Variants in DYNC1I1 observed in about 807,000 individuals in gnomAD.
DYNC1I1 encodes dynein cytoplasmic 1 intermediate chain 1.
A neutral mutation model predicts 86.6 loss-of-function variants in DYNC1I1; 43 were observed. That is an observed-to-expected ratio of 0.50 (90% CI 0.39 to 0.64). DYNC1I1 has a LOEUF of 0.64. Among genes scored for constraint, DYNC1I1 ranks in the 30% least tolerant of loss-of-function variants. The pLI is 0.00. For missense variants in DYNC1I1, 604 were observed against 788.8 expected, an observed-to-expected ratio of 0.77 and a Z score of 2.81; for synonymous variants, 262 against 283.7, an observed-to-expected ratio of 0.92 and a Z score of 0.77.
At chr7:96,060,809 T>C (rs1006239944) in intron 14 of DYNC1I1, among the ~76,000 whole-genome samples, 4 of 142,760 alleles carry the variant, frequency 2.8e-5, no homozygotes. Flanking sequence ...AAATAAAGTC[T>C]AAAAAAAAAA....
At chr7:95,998,802 TGGATCAGAGAAGCA>T (rs1227868845) in intron 10 of DYNC1I1, among the ~76,000 whole-genome samples, 61 of 152,284 alleles carry the variant, frequency 4.0e-4, no homozygotes, top group African/African-American at 1.2e-3. Flanking sequence ...ACAAAACCAA[TGGATCAGAGAAGCA>T]TTGTGTCAGT....
intron 1 of DYNC1I1, among the ~76,000 whole-genome samples, chr7:95,777,114 G>C (rs1490310222): frequency 6.6e-6 from 1 of 152,116 alleles, no homozygotes; most frequent in African/African-American, 2.4e-5. Flanking sequence ...ATTGTGGCAG[G>C]ACTAAGAGTC....
At chr7:96,062,327 C>T (rs978726335) in intron 14 of DYNC1I1, among the ~76,000 whole-genome samples, 2 of 152,150 alleles carry the variant, frequency 1.3e-5, no homozygotes, top group African/African-American at 4.8e-5. Context: ...CGGAGACAGA[C>T]ATGTTTTGGT....
intron 14 of DYNC1I1, among the ~76,000 whole-genome samples, chr7:96,046,668 G>A (rs527876368): frequency 6.6e-6 from 1 of 152,318 alleles, no homozygotes; most frequent in South Asian, 2.1e-4. Flanking sequence ...CCAGGTGAGA[G>A]CCAGAATTTA....
intron 14 of DYNC1I1, among the ~76,000 whole-genome samples, chr7:96,068,417 A>G (rs371532566): frequency 6.6e-6 from 1 of 152,212 alleles, no homozygotes; most frequent in African/African-American, 2.4e-5. Context: ...ACATTTAACA[A>G]TGGGAGATGT....
chr7:95,822,799 CGGGGAA>C, intron 4 of DYNC1I1, among the ~76,000 whole-genome samples: 2 of 152,242 alleles, frequency 1.3e-5, no homozygotes, highest in East Asian at 3.9e-4. Context: ...GGTTCCCCAG[CGGGGAA>C]TACTGACGGA....
intron 10 of DYNC1I1, 117 bp from the exon 11 acceptor site, chr7:96,028,058 A>AT (rs1219273019): frequency 7.2e-6 from 10 of 1,389,754 alleles, no homozygotes; most frequent in East Asian, 7.0e-5. Flanking sequence ...GCTTTAAATT[A>AT]TTTTTTTGTT....
At chr7:96,082,273 G>T (rs1790544348) in intron 16 of DYNC1I1, among the ~76,000 whole-genome samples, 1 of 134,156 alleles carries the variant, frequency 7.5e-6, no homozygotes, top group South Asian at 2.7e-4. Context: ...AAGAGCAAAG[G>T]AGAATGTTAA....
At chr7:95,946,660 A>G (rs577290819) in intron 6 of DYNC1I1, among the ~76,000 whole-genome samples, 1 of 152,306 alleles carries the variant, frequency 6.6e-6, no homozygotes, top group East Asian at 1.9e-4. Flanking sequence ...ATACACTTAC[A>G]GTTCATTCAT....
At chr7:95,830,925 T>C (rs1795307132) in intron 5 of DYNC1I1, among the ~76,000 whole-genome samples, 1 of 152,140 alleles carries the variant, frequency 6.6e-6, no homozygotes, top group Non-Finnish European at 1.5e-5. Context: ...AGAAGTATAG[T>C]GGTATTTCAT....
chr7:95,997,582 CTT>C (rs34163521), intron 10 of DYNC1I1, among the ~76,000 whole-genome samples: 7,575 of 117,098 alleles, frequency 0.065, 390 homozygotes, highest in East Asian at 0.32. Context: ...AAAGGGCATT[CTT>C]GTGTGTGTGT....
At chr7:95,856,438 G>A (rs186217756) in intron 5 of DYNC1I1, among the ~76,000 whole-genome samples, 3 of 152,096 alleles carry the variant, frequency 2.0e-5, no homozygotes, top group African/African-American at 4.8e-5. Context: ...TCATACATTC[G>A]CTTGTAAGCA....
At chr7:96,076,270 T>A (rs1790337108) in intron 15 of DYNC1I1, 73 bp downstream of exon 15, 1 of 1,567,384 alleles carries the variant, frequency 6.4e-7, no homozygotes, top group African/African-American at 1.4e-5. Context: ...AGTCTCTCCC[T>A]CTTTCTCCAA....
chr7:95,776,035 C>T (rs545034831), intron 1 of DYNC1I1, among the ~76,000 whole-genome samples: 82 of 152,162 alleles, frequency 5.4e-4, no homozygotes, highest in African/African-American at 1.9e-3. Flanking sequence ...CACTTGAGGC[C>T]AGGAGTTAGA....
At position 96,056,315 on chromosome 7, in the gene DYNC1I1, A is replaced by T. The variant is rs548958098; in HGVS notation, c.1509+16894A>T. Among the ~76,000 whole-genome samples the T allele has an allele frequency of 8.5e-5, 13 of 152,256 alleles. No individual in the cohort carries two copies. The East Asian group carries it at 2.5e-3, about 29-fold the overall frequency. On this transcript the variant is annotated intron_variant, in intron 14 of 16. Coordinates refer to ENST00000447467, the MANE Select transcript of DYNC1I1 (RefSeq NM_001135556.2). ...GTCTATGAGTGTGTACCTGTGTGTG[A>T]CATTCTTTCTTTTCTTTACAGTATT...
rs555335431 is a variant in DYNC1I1 at position 96,092,709 on chromosome 7, T to C, written c.1777-4774T>C. On this transcript the variant is annotated intron_variant, in intron 16 of 16. Transcript: ENST00000447467. The stretch of plus-strand genomic sequence containing the variant: ...AGGAGGGGACTGATCCCTGACATGG[T>C]CCGAGAAGTAGTGGGGTAGCCTGGG... Among the ~76,000 whole-genome samples the C allele has an allele frequency of 2.8e-4, 42 of 152,266 alleles. No individual in the cohort carries two copies. The East Asian group carries it at 5.4e-3, about 20-fold the overall frequency.
chr7:95,832,506 A>G (rs916213028), intron 5 of DYNC1I1, among the ~76,000 whole-genome samples: 4 of 151,974 alleles, frequency 2.6e-5, no homozygotes, highest in Admixed American at 1.3e-4. Context: ...GCTGGGTCAA[A>G]TGGTATTTCT....
At chr7:95,775,253 G>A (rs1022988875) in intron 1 of DYNC1I1, among the ~76,000 whole-genome samples, 7 of 152,138 alleles carry the variant, frequency 4.6e-5, no homozygotes, top group Admixed American at 6.6e-5. Context: ...TCTCTCTTCC[G>A]TACTATGAAA....
At chr7:95,985,576 A>G (rs906860893) in intron 8 of DYNC1I1, among the ~76,000 whole-genome samples, 2 of 152,184 alleles carry the variant, frequency 1.3e-5, no homozygotes, top group African/African-American at 4.8e-5. Context: ...AGAAAAGGCC[A>G]TGACTGTCAA....
Sources: allele counts gnomAD v4.1 joint callset (sites outside exome capture counted in the v4.1 genomes callset), GRCh38; gene constraint gnomAD v4.1.1; transcripts MANE v1.5; gene names NCBI Gene and HGNC (gene_info 2026-07-23, HGNC 2026-07-21).